The following RHOG variants were observed in gnomAD, a reference collection of about 807,000 sequenced individuals.
RHOG encodes the protein ras homolog family member G.
RHOG carries 1 observed loss-of-function variant against 12.3 expected under a neutral mutation model. The ratio of observed to expected loss-of-function variants is 0.08; its 90% CI spans 0.03 to 0.39. The LOEUF (loss-of-function observed/expected upper bound fraction) is 0.39, where lower values mean the gene tolerates loss of function less well. RHOG is among the 10% of genes least tolerant of loss of function. The pLI, the probability that RHOG is intolerant of heterozygous loss-of-function variation, is 0.99. For missense variants in RHOG, 114 were observed against 266.2 expected (o/e 0.43, Z 3.98); for synonymous variants, 129 against 116.0 (o/e 1.11, Z -0.72).
At chr11:3,835,528 T>C (rs1283800548) in intron 1 of RHOG, among the ~76,000 whole-genome samples, 1 of 152,088 alleles carries the variant, frequency 6.6e-6, no homozygotes, top group Non-Finnish European at 1.5e-5. Context: ...CCCCCATCAA[T>C]CCACAGACTC....
chr11:3,829,246 GA>G (rs201240399), intron 1 of RHOG, among the ~76,000 whole-genome samples: 29,956 of 146,236 alleles, frequency 0.2, 3,278 homozygotes, highest in Middle Eastern at 0.3. Flanking sequence ...TGGCAATGGG[GA>G]AATTTTTTTT....
At chr11:3,836,549 A>C (rs1000246406) in intron 1 of RHOG, among the ~76,000 whole-genome samples, 1 of 151,688 alleles carries the variant, frequency 6.6e-6, no homozygotes, top group Non-Finnish European at 1.5e-5. Flanking sequence ...CCTTTCACTA[A>C]GTCCTAGTTC....
chr11:3,837,205 C>T (rs1007626903), intron 1 of RHOG, among the ~76,000 whole-genome samples: 2 of 152,174 alleles, frequency 1.3e-5, no homozygotes, highest in Admixed American at 1.3e-4. Context: ...GTCCCTTTAG[C>T]CCCGCCCGAG....
intron 1 of RHOG, among the ~76,000 whole-genome samples, chr11:3,830,038 T>G (rs761720456): frequency 5.3e-5 from 8 of 152,178 alleles, no homozygotes; most frequent in Non-Finnish European, 1.2e-4. Context: ...TGAGCCACCA[T>G]GCCCGGCCTG....
At position 3,828,078 on chromosome 11, in the gene RHOG, T is replaced by C. The variant is rs1287804191; in HGVS notation, c.61A>G (p.Ile21Val). The C allele has an allele frequency of 1.5e-5, 25 of 1,614,252 alleles. No homozygotes were observed. The highest frequency in any genetic ancestry group is 2.1e-5 in the Non-Finnish European group (25 of 1,180,032). Residue 21 changes from isoleucine (I) to valine (V), a missense_variant, in exon 2 of 2, where the codon ATC (isoleucine) becomes GTC (valine). Physicochemically the swap from Ile to Val is conservative, Grantham distance 29. Coordinates refer to ENST00000351018, the MANE Select transcript of RHOG (RefSeq NM_001665.4). ...DGAVGKTCLL[I>V]CYTTNAFPKE... ...GGGAAAGCGTTAGTTGTGTAGCAGA[T>C]GAGCAGGCACGTCTTGCCCACAGCC...
At chr11:3,829,248 A>ATTTTTT (rs141026499) in intron 1 of RHOG, among the ~76,000 whole-genome samples, 1 of 95,172 alleles carries the variant, frequency 1.1e-5, no homozygotes, top group Non-Finnish European at 2.4e-5. Flanking sequence ...GCAATGGGGA[A>ATTTTTT]ATTTTTTTTT....
Position 3,827,602 on chromosome 11 carries a change from G to C in RHOG, c.537C>G (p.Pro179=). The part of the protein sequence containing the change: ...FAEAVRAVLN[P]TPIKRGRSCI... The stretch of plus-strand genomic sequence containing the variant: ...AGGACCGCCCACGCTTGATCGGCGT[G>C]GGGTTGAGCACAGCCCGGACAGCCT... Residue 179 remains proline (P), a synonymous_variant, in exon 2 of 2, where the codon CCC becomes CCG. Coordinates refer to ENST00000351018, the MANE Select transcript of RHOG (RefSeq NM_001665.4). The surrounding 1 kb of genome is among the most constrained non-coding windows in gnomAD (Gnocchi z 7.3). The C allele has an allele frequency of 1.2e-6, 2 of 1,611,358 alleles. No homozygotes were observed. The highest frequency in any genetic ancestry group is 1.7e-6 in the Non-Finnish European group (2 of 1,179,994).
In RHOG at chr11:3,831,986, G is replaced by A. The variant is rs367576561; in HGVS notation, c.-68-3780C>T. Among the ~76,000 whole-genome samples the A allele has an allele frequency of 3.3e-5, 5 of 152,268 alleles. No homozygotes were observed. The East Asian group carries it at 9.7e-4, about 29-fold the overall frequency. The stretch of plus-strand genomic sequence containing the variant: ...GTAAATCAGCTCTCAAAGGAGAGGG[G>A]AAGGACAGCGTAGCTTCCGGGCTGG... On this transcript the variant is annotated intron_variant, in intron 1 of 1. Coordinates refer to ENST00000351018, the MANE Select transcript of RHOG (RefSeq NM_001665.4).
At position 3,827,524 on chromosome 11, in the gene RHOG, G is replaced by A. The variant is rs759428207; in HGVS notation, c.*39C>T. 2 of 1,530,752 alleles carry A rather than the reference G, an allele frequency of 1.3e-6. No homozygotes were observed. The highest frequency in any genetic ancestry group is 1.7e-5 in the Admixed American group (1 of 58,806). 94.8% of individuals were successfully genotyped at this position (1,530,752 alleles called of 1,614,324 possible). On this transcript the variant is annotated 3_prime_UTR_variant, in exon 2 of 2. Coordinates refer to ENST00000351018, the MANE Select transcript of RHOG (RefSeq NM_001665.4). This position sits in a 1 kb window ranked among gnomAD's most constrained non-coding sequence, Gnocchi z 7.3. ...ACAAGGCACCAAGGCACAACTGGTG[G>A]GGGGAGGGCAGGGGCAGCCTCCAAG...
chr11:3,828,853 C>T (rs1590474338), intron 1 of RHOG, among the ~76,000 whole-genome samples: 2 of 151,964 alleles, frequency 1.3e-5, no homozygotes, highest in East Asian at 3.9e-4. Context: ...ATCTCCTGAC[C>T]TCGTGATCCG....
At chr11:3,831,633 A>T (rs985206625) in intron 1 of RHOG, among the ~76,000 whole-genome samples, 1 of 152,250 alleles carries the variant, frequency 6.6e-6, no homozygotes, top group African/African-American at 2.4e-5. Context: ...GCTGGGCCTC[A>T]GTTTTCCTAT....
At chr11:3,840,630 A>G (rs2090187259) in intron 1 of RHOG, 1 of 150,274 alleles carries the variant, frequency 6.7e-6, no homozygotes, top group Non-Finnish European at 1.5e-5. Flanking sequence ...GGAGCCCGGG[A>G]CCCTCCGACC....
At chr11:3,838,265 C>T (rs1269134783) in intron 1 of RHOG, among the ~76,000 whole-genome samples, 2 of 152,212 alleles carry the variant, frequency 1.3e-5, no homozygotes, top group Non-Finnish European at 2.9e-5. Flanking sequence ...AAATCTCTCC[C>T]GCCCTGGTCA....
At chr11:3,839,043 G>A (rs1565085379) in intron 1 of RHOG, among the ~76,000 whole-genome samples, 1 of 152,156 alleles carries the variant, frequency 6.6e-6, no homozygotes, top group Non-Finnish European at 1.5e-5. Flanking sequence ...AGCAGGAAAG[G>A]AGCAGACACT....
chr11:3,828,733 G>C (rs1489112758), intron 1 of RHOG, among the ~76,000 whole-genome samples: 1 of 147,218 alleles, frequency 6.8e-6, no homozygotes, highest in Non-Finnish European at 1.5e-5. Flanking sequence ...ACGCCATTCT[G>C]CCTCAGCCTC....
intron 1 of RHOG, chr11:3,837,894 C>G (rs2090166501): frequency 6.6e-6 from 1 of 152,402 alleles, no homozygotes; most frequent in Non-Finnish European, 1.5e-5. Context: ...ACTCAATAGC[C>G]AGCCACTCTG....
At chr11:3,828,321 C>T (rs1397005854) in intron 1 of RHOG, 115 bp from the exon 2 acceptor site, 10 of 604,126 alleles carry the variant, frequency 1.7e-5, no homozygotes, top group South Asian at 4.1e-5. Flanking sequence ...TGACACTATC[C>T]CAAAGTCCCA....
intron 1 of RHOG, among the ~76,000 whole-genome samples, chr11:3,833,702 C>T (rs2090142404): frequency 6.6e-6 from 1 of 152,170 alleles, no homozygotes; most frequent in Admixed American, 6.5e-5. Context: ...GGACTAAGTG[C>T]ATTAATGTAT....
chr11:3,838,482 GAAAGTGCCTTGTATGCACATCCTTCTCTA>G (rs75569785), intron 1 of RHOG, among the ~76,000 whole-genome samples: 14,866 of 152,164 alleles, frequency 0.098, 785 homozygotes, highest in Middle Eastern at 0.17. Flanking sequence ...GTGATGCTGG[GAAAGTGCCTTGTATGCACATCCTTCTCTA>G]ACCTGGGCTC....
Sources: gnomAD v4.1 joint callset for allele counts (sites outside exome capture counted in the v4.1 genomes callset) on GRCh38, gnomAD v4.1.1 for gene constraint, Gnocchi (gnomAD v3.1) non-coding constraint, MANE v1.5 for transcripts, NCBI Gene and HGNC (gene_info 2026-07-23, HGNC 2026-07-21) for gene names.